The following PCDHGA6 variants were observed in gnomAD, a reference collection of about 807,000 sequenced individuals.
PCDHGA6 encodes protocadherin gamma subfamily A, 6, also known as protocadherin gamma-A6.
Under a neutral mutation model 60.6 loss-of-function variants are expected in PCDHGA6, and 41 were observed. The ratio of observed to expected loss-of-function variants is 0.68; its 90% CI spans 0.53 to 0.88. PCDHGA6 has a LOEUF of 0.88. Ranked by LOEUF, PCDHGA6 falls within the 40% of genes least tolerant of loss-of-function variation. PCDHGA6 has a pLI of 0.00. For synonymous variants in PCDHGA6, 594 were observed against 524.4 expected (o/e 1.13, Z -1.81); for missense variants, 1,312 against 1,203.0 (o/e 1.09, Z -1.34).
intron 3 of PCDHGA6, among the ~76,000 whole-genome samples, chr5:141,510,203 G>A (rs1164886289): frequency 6.6e-6 from 1 of 151,680 alleles, no homozygotes; most frequent in Non-Finnish European, 1.5e-5. Flanking sequence ...AGCCCAGGAG[G>A]CAGAGGTTGC....
intron 1 of PCDHGA6, chr5:141,478,786 C>T: frequency 6.8e-7 from 1 of 1,480,998 alleles, no homozygotes; most frequent in Non-Finnish European, 9.0e-7. Context: ...ACCTAATTCA[C>T]ATCCTCAGCA....
rs1031624761 is a variant in PCDHGA6 at position 141,433,138 on chromosome 5, G to A, written c.2424+56631G>A. The A allele has an allele frequency of 2.5e-6, 4 of 1,614,038 alleles. No individual in the cohort carries two copies. In the Admixed American group the frequency reaches 6.7e-5, roughly 27 times the overall value. On this transcript the variant is annotated intron_variant, in intron 1 of 3. Coordinates refer to ENST00000517434, the MANE Select transcript of PCDHGA6 (RefSeq NM_018919.3). ...TTGAAAAAAGCGAGCCCCTTTTGCT[G>A]TCAGGTGATTCGGTATTTTCTAAAG...
Position 141,415,491 on chromosome 5 carries a change from G to C in PCDHGA6, c.2424+38984G>C, listed in dbSNP as rs1386703838. 3.7e-6 allele frequency: 6 copies of C among 1,614,090 alleles called. No homozygotes were observed. The Admixed American group carries it at 8.3e-5, about 22-fold the overall frequency. ...CCGCGGACTCGCGAAAGAGTCACCTGATCTTCCCCCAGCCCAATTATGCGG... is the reference window on the plus strand; with the variant it reads ...CCGCGGACTCGCGAAAGAGTCACCTCATCTTCCCCCAGCCCAATTATGCGG... On this transcript the variant is annotated intron_variant, in intron 1 of 3. Coordinates refer to ENST00000517434, the MANE Select transcript of PCDHGA6 (RefSeq NM_018919.3).
chr5:141,469,618 T>C (rs1284372508), intron 1 of PCDHGA6, among the ~76,000 whole-genome samples: 1 of 152,148 alleles, frequency 6.6e-6, no homozygotes, highest in Non-Finnish European at 1.5e-5. Context: ...ATAAAATAAA[T>C]GTTTGTAGTT....
rs762783104 is a variant in PCDHGA6 at position 141,485,601 on chromosome 5, G to A, written c.2425-9206G>A. 4.3e-6 allele frequency: 7 copies of A among 1,612,290 alleles called. No homozygotes were observed. The highest frequency in any genetic ancestry group is 5.9e-6 in the Non-Finnish European group (7 of 1,178,722). On this transcript the variant is annotated intron_variant, in intron 1 of 3. Transcript: ENST00000517434. The surrounding 1 kb of genome is among the most constrained non-coding windows in gnomAD (Gnocchi z 5.7). ...CGGCAGCAGCTGGACTTGGAAATTG[G>A]GGAGGCAGCTCCTCCAGGACAGCGT...
At chr5:141,391,974 C>T (rs2092450559) in intron 1 of PCDHGA6, 1 of 152,032 alleles carries the variant, frequency 6.6e-6, no homozygotes. Flanking sequence ...AATAAAATAG[C>T]AAAACAATGT....
intron 2 of PCDHGA6, among the ~76,000 whole-genome samples, chr5:141,503,132 CCT>C (rs1388312522): frequency 6.6e-6 from 1 of 151,994 alleles, no homozygotes; most frequent in Non-Finnish European, 1.5e-5. Flanking sequence ...TCTGGTAGCC[CCT>C]GACACAGCCC....
chr5:141,428,067 G>GC, intron 1 of PCDHGA6: 2 of 1,609,228 alleles, frequency 1.2e-6, no homozygotes, highest in Non-Finnish European at 1.7e-6. Context: ...GGTGGACGCA[G>GC]ATTCGGGACA....
At chr5:141,438,210 A>G (rs1228726792) in intron 1 of PCDHGA6, among the ~76,000 whole-genome samples, 2 of 152,188 alleles carry the variant, frequency 1.3e-5, no homozygotes, top group Non-Finnish European at 2.9e-5. Flanking sequence ...ACCATATGGG[A>G]AGGGCTCTGG....
intron 1 of PCDHGA6, among the ~76,000 whole-genome samples, chr5:141,460,270 C>T (rs1223096441): frequency 6.6e-6 from 1 of 151,828 alleles, no homozygotes; most frequent in Non-Finnish European, 1.5e-5. Context: ...TTTATTTTTT[C>T]TTTTATAGTT....
rs775104626 is a variant in PCDHGA6, at chr5:141,486,636, C to T, written c.2425-8171C>T. On this transcript the variant is annotated intron_variant, in intron 1 of 3. Transcript: ENST00000517434. This position sits in a 1 kb window ranked among gnomAD's most constrained non-coding sequence, Gnocchi z 5.0. ...TCTGACCCAGACTCTGGCTTGAATG[C>T]GCTTATCTCCTACTCACTCCTGGAG... 7 of 1,613,540 alleles carry T rather than the reference C, an allele frequency of 4.3e-6. No individual in the cohort carries two copies. The highest frequency in any genetic ancestry group is 1.3e-5 in the African/African-American group (1 of 74,926).
chr5:141,434,440 T>C (rs1283641379), intron 1 of PCDHGA6, among the ~76,000 whole-genome samples: 2 of 152,238 alleles, frequency 1.3e-5, no homozygotes, highest in Non-Finnish European at 2.9e-5. Flanking sequence ...GTAATGCCCA[T>C]GCTGGAAGGT....
intron 1 of PCDHGA6, chr5:141,475,801 A>G: frequency 3.2e-6 from 1 of 312,546 alleles, no homozygotes. Flanking sequence ...AGGAAGCCAA[A>G]GGAAAGTGAA....
rs181397365 is a variant in PCDHGA6, at chr5:141,481,810, G to A, written c.2425-12997G>A. Among the ~76,000 whole-genome samples, 99 of 151,944 alleles carry A rather than the reference G, an allele frequency of 6.5e-4. 1 individual carries two copies. The highest frequency in any genetic ancestry group is 2.4e-3 in the African/African-American group (98 of 41,418). On this transcript the variant is annotated intron_variant, in intron 1 of 3. Transcript: ENST00000517434. ...CTACTAAAAATACAAAAATTCACCA[G>A]GCGTGGTGGCTGAGGCAGGAGAATC...
chr5:141,436,958 G>C (rs2097855854), intron 1 of PCDHGA6, among the ~76,000 whole-genome samples: 1 of 152,124 alleles, frequency 6.6e-6, no homozygotes, highest in Non-Finnish European at 1.5e-5. Context: ...ATCTAAACAA[G>C]GATCTTGTGA....
intron 3 of PCDHGA6, 78 bp from the exon 4 acceptor site, chr5:141,510,869 T>C: frequency 9.3e-6 from 15 of 1,608,708 alleles, no homozygotes; most frequent in Non-Finnish European, 1.3e-5. Flanking sequence ...AGGCATTCAT[T>C]AACTGCTGGG....
chr5:141,428,007 A>G, intron 1 of PCDHGA6: 1 of 1,602,018 alleles, frequency 6.2e-7, no homozygotes, highest in Non-Finnish European at 8.5e-7. Flanking sequence ...ACTCTTCGAT[A>G]TAGTGCCACG....
chr5:141,410,455 T>G (rs2095396076), intron 1 of PCDHGA6: 3 of 1,613,914 alleles, frequency 1.9e-6, no homozygotes, highest in African/African-American at 2.7e-5. Flanking sequence ...TGCCTTATTC[T>G]TATAATCTGT....
At chr5:141,441,981 C>A in intron 1 of PCDHGA6, 1 of 278,140 alleles carries the variant, frequency 3.6e-6, no homozygotes, top group South Asian at 3.6e-5. Context: ...GCCTGGAATG[C>A]GCACCGACGA....
Sources: allele counts gnomAD v4.1 joint callset (sites outside exome capture counted in the v4.1 genomes callset), GRCh38; gene constraint gnomAD v4.1.1; non-coding constraint Gnocchi (gnomAD v3.1); transcripts MANE v1.5; gene names NCBI Gene and HGNC (gene_info 2026-07-23, HGNC 2026-07-21).